The following CERS4 variants were observed in gnomAD, a reference collection of about 807,000 sequenced individuals.
CERS4 encodes the protein LAG1 homolog, ceramide synthase 4.
CERS4 carries 65 observed loss-of-function variants against 51.8 expected under a neutral mutation model. That is an observed-to-expected ratio of 1.26 (90% CI 1.03 to 1.54). The LOEUF (loss-of-function observed/expected upper bound fraction) is 1.54. Ranked by LOEUF, CERS4 falls within the 40% of genes most tolerant of loss-of-function variation. The pLI is 0.00. For synonymous variants in CERS4, 228 were observed against 208.4 expected (o/e 1.09, Z -0.81); for missense variants, 563 against 500.4 (o/e 1.13, Z -1.19).
rs1242296615 is a variant in CERS4, at chr19:8,256,825, G to A, written c.612+115G>A. On this transcript the variant is annotated intron_variant, in intron 8 of 11. Transcript: ENST00000251363. ...GAGCTCCCTGGTGCCTCCTGCAGGA[G>A]ATATAGAGGCCATGGGCCCAGAGGC... The A allele has an allele frequency of 5.1e-6, 8 of 1,579,316 alleles. No individual in the cohort carries two copies. In the East Asian group the frequency reaches 1.6e-4, roughly 31 times the overall value.
chr19:8,255,581 C>T (rs1326324354), intron 4 of CERS4, 26 bp from the exon 5 acceptor site: 2 of 1,595,516 alleles, frequency 1.3e-6, no homozygotes, highest in Non-Finnish European at 8.5e-7. Flanking sequence ...CCTCTGTGAC[C>T]CTTGTCCTCA....
chr19:8,245,596 G>C lies in CERS4; in HGVS notation c.-1-5480G>C, dbSNP rs149615170. Among the ~76,000 whole-genome samples the C allele has an allele frequency of 9.2e-3, 1,399 of 151,784 alleles. 24 individuals are homozygous for C. Among genetic ancestry groups the C allele is most frequent in the African/African-American group, 0.032 (1,330 of 41,424 alleles). On this transcript the variant is annotated intron_variant, in intron 2 of 11. Coordinates refer to ENST00000251363, the MANE Select transcript of CERS4 (RefSeq NM_024552.3). Reference sequence around the variant, plus strand: ...GCTCTCTCACCCAGGCTGGAGTGCAGTGGCACAATCTTGGCTCACTGCAGC... The same window carrying C: ...GCTCTCTCACCCAGGCTGGAGTGCACTGGCACAATCTTGGCTCACTGCAGC...
At position 8,210,554 on chromosome 19, in the gene CERS4, GCTCAGGCAAGGT is replaced by G. The variant is rs1967044096; in HGVS notation, c.-158-143_-158-132del. On this transcript the variant is annotated intron_variant, in intron 1 of 11. Coordinates refer to ENST00000251363, the MANE Select transcript of CERS4 (RefSeq NM_024552.3). This position sits in a 1 kb window ranked among gnomAD's most constrained non-coding sequence, Gnocchi z 4.2. ...AATGCTCCCATCGACTCCAGTCTGA[GCTCAGGCAAGGT>G]CTCAGGCATCTGAGCGCAGAGGCCA... The G allele has an allele frequency of 6.6e-6, 1 of 152,086 alleles. No homozygotes were observed. Among genetic ancestry groups the G allele is most frequent in the African/African-American group, 2.4e-5 (1 of 41,202 alleles). The allele number at this position is 152,086 out of a possible 1,614,324, so 9.4% of individuals were successfully genotyped here.
At chr19:8,245,816 A>G (rs1377734081) in intron 2 of CERS4, among the ~76,000 whole-genome samples, 2 of 145,670 alleles carry the variant, frequency 1.4e-5, no homozygotes, top group African/African-American at 5.1e-5. Context: ...CTGGGATTAC[A>G]GGCTTGAGCC....
chr19:8,232,889 A>ATTTTTTT (rs34774744), intron 2 of CERS4, among the ~76,000 whole-genome samples: 43 of 59,228 alleles, frequency 7.3e-4, no homozygotes, highest in African/African-American at 2.8e-3. Context: ...TGCCTCGCTG[A>ATTTTTTT]TTTTTTTTTT....
chr19:8,258,183 A>G (rs1207041720), intron 10 of CERS4, among the ~76,000 whole-genome samples, 198 bp downstream of exon 10: 2 of 151,962 alleles, frequency 1.3e-5, no homozygotes, highest in Non-Finnish European at 2.9e-5. Flanking sequence ...AATTATTATT[A>G]CTCAGCGTGC....
intron 2 of CERS4, chr19:8,239,412 GAA>G (rs1176020431): frequency 2.9e-3 from 30 of 10,398 alleles, no homozygotes; most frequent in Admixed American, 0.022. Flanking sequence ...AAAAAAAAAA[GAA>G]AAAGAAAAAA....
intron 9 of CERS4, 125 bp downstream of exon 9, chr19:8,257,202 C>CA: frequency 9.7e-7 from 1 of 1,029,912 alleles, no homozygotes; most frequent in Non-Finnish European, 1.4e-6. Context: ...CTGTCTTTCT[C>CA]GGGTGATGAG....
rs147583081 is a variant in CERS4 at position 8,250,858 on chromosome 19, G to A, written c.-1-218G>A. On this transcript the variant is annotated intron_variant, in intron 2 of 11. Transcript: ENST00000251363. ...CTTTTAACACTGACCAGGCAATGGAGTGGGAGTGATGAGAATGAAGTGGTG... is the reference window on the plus strand; with the variant it reads ...CTTTTAACACTGACCAGGCAATGGAATGGGAGTGATGAGAATGAAGTGGTG... 133 of 1,371,858 alleles carry A rather than the reference G, an allele frequency of 9.7e-5. No individual in the cohort carries two copies. In the African/African-American group the frequency reaches 1.5e-3, roughly 16 times the overall value. 85.0% of individuals were successfully genotyped at this position (1,371,858 alleles called of 1,614,324 possible).
chr19:8,229,107 C>G (rs1967903867), intron 2 of CERS4, among the ~76,000 whole-genome samples: 1 of 151,946 alleles, frequency 6.6e-6, no homozygotes, highest in African/African-American at 2.4e-5. Context: ...AGGCGGATCC[C>G]CTGAGTCCAA....
intron 3 of CERS4, among the ~76,000 whole-genome samples, 177 bp from the exon 4 acceptor site, chr19:8,254,322 C>CAAAAAA (rs74176633): frequency 0.015 from 576 of 38,756 alleles, 70 homozygotes; most frequent in African/African-American, 0.035. Context: ...TACTCTGTCT[C>CAAAAAA]AAAAAAAAAA....
At chr19:8,235,419 C>CT (rs573130698) in intron 2 of CERS4, among the ~76,000 whole-genome samples, 108 of 150,918 alleles carry the variant, frequency 7.2e-4, no homozygotes, top group African/African-American at 2.5e-3. Flanking sequence ...CATCTTTTTG[C>CT]TTTTTTTTCC....
At position 8,243,573 on chromosome 19, in the gene CERS4, T is replaced by C. The variant is rs1968629819; in HGVS notation, c.-1-7503T>C. 2.0e-5 allele frequency among the ~76,000 whole-genome samples: 3 copies of C among 152,040 alleles called. No homozygotes were observed. The South Asian group carries it at 6.2e-4, about 32-fold the overall frequency. ...ATCCAATGCTAGCAACAGCTTCTAA[T>C]ACTTCACTGATGCCTAAATGTCAGT... On this transcript the variant is annotated intron_variant, in intron 2 of 11. Coordinates refer to ENST00000251363, the MANE Select transcript of CERS4 (RefSeq NM_024552.3).
At chr19:8,258,889 T>G (rs893676751) in intron 10 of CERS4, among the ~76,000 whole-genome samples, 1 of 151,232 alleles carries the variant, frequency 6.6e-6, no homozygotes, top group Non-Finnish European at 1.5e-5. Flanking sequence ...ATCCCAGCAC[T>G]TTGGGAGGCC....
chr19:8,257,860 T>C lies in CERS4; in HGVS notation c.742-19T>C. 1 of 1,603,736 alleles carries C rather than the reference T, an allele frequency of 6.2e-7. No homozygotes were observed. Among genetic ancestry groups the C allele is most frequent in the Non-Finnish European group, 8.5e-7 (1 of 1,171,168 alleles). On this transcript the variant is annotated intron_variant, in intron 9 of 11. Coordinates refer to ENST00000251363, the MANE Select transcript of CERS4 (RefSeq NM_024552.3). ...AGGGCCCTGGTCCTGAGCCCATTTC[T>C]CCCTGCTGCCCTTTCCAGGCCTGTA...
At chr19:8,230,285 G>A (rs1178514877) in intron 2 of CERS4, among the ~76,000 whole-genome samples, 4 of 151,826 alleles carry the variant, frequency 2.6e-5, no homozygotes, top group Admixed American at 6.6e-5. Flanking sequence ...TGCCTCCCAG[G>A]TTCACATGAT....
intron 2 of CERS4, among the ~76,000 whole-genome samples, chr19:8,215,596 C>G (rs147007574): frequency 0.015 from 2,352 of 152,222 alleles, 35 homozygotes; most frequent in Non-Finnish European, 0.026. Flanking sequence ...CTCCCTGTAC[C>G]CCACAAGAGC....
rs141372402 is a variant in CERS4, at chr19:8,216,634, CTT to C, written c.-2+5774_-2+5775del. ...CTGAAAAAAAATTAAGATATAGAGT[CTT>C]TGCCACTCCCTCATCTCCACCATGT... On this transcript the variant is annotated intron_variant, in intron 2 of 11. Coordinates refer to ENST00000251363, the MANE Select transcript of CERS4 (RefSeq NM_024552.3). Among the ~76,000 whole-genome samples the C allele has an allele frequency of 3.2e-3, 488 of 152,160 alleles. 1 individual carries two copies. Among genetic ancestry groups the C allele is most frequent in the African/African-American group, 0.011 (470 of 41,524 alleles).
chr19:8,257,115 T>G, intron 9 of CERS4, 38 bp downstream of exon 9: 4 of 1,537,178 alleles, frequency 2.6e-6, no homozygotes, highest in Non-Finnish European at 3.5e-6. Context: ...CCAGCTGCTG[T>G]ACCCAGCCCT....
Sources: gnomAD v4.1 joint callset for allele counts (sites outside exome capture counted in the v4.1 genomes callset) on GRCh38, gnomAD v4.1.1 for gene constraint, Gnocchi (gnomAD v3.1) non-coding constraint, MANE v1.5 for transcripts, NCBI Gene and HGNC (gene_info 2026-07-23, HGNC 2026-07-21) for gene names.